FCSK: variants seen among roughly 807,000 people sequenced by gnomAD.
FCSK encodes L-fucose kinase.
FCSK carries 123 observed loss-of-function variants against 122.5 expected under a neutral mutation model. The ratio of observed to expected loss-of-function variants is 1.00; its 90% CI spans 0.87 to 1.17. The LOEUF (loss-of-function observed/expected upper bound fraction) is 1.17, where lower values mean the gene tolerates loss of function less well. Among genes scored for constraint, FCSK ranks in the 50% most tolerant of loss-of-function variants. The probability of loss-of-function intolerance (pLI) is 0.00; values close to 1 mark genes in which losing one functional copy is unlikely to be tolerated. For missense variants in FCSK, 1,366 were observed against 1,450.4 expected, an observed-to-expected ratio of 0.94 and a Z score of 0.95; for synonymous variants, 620 against 625.5, an observed-to-expected ratio of 0.99 and a Z score of 0.13.
chr16:70,471,950 C>T (rs552049084), intron 13 of FCSK, among the ~76,000 whole-genome samples: 23 of 152,032 alleles, frequency 1.5e-4, no homozygotes, highest in African/African-American at 4.8e-4. Flanking sequence ...GGAGTACAGG[C>T]GCCCACCACC....
rs574871498 is a variant in FCSK at position 70,472,286 on chromosome 16, A to G, written c.1342-255A>G. On this transcript the variant is annotated intron_variant, in intron 13 of 23. Coordinates refer to ENST00000288078, the MANE Select transcript of FCSK (RefSeq NM_145059.3). ...TGCAGGGCTGAAAACAATTTCAGAA[A>G]TTGCTCCATGGCTGGGTGTAGTGGC... Among the ~76,000 whole-genome samples, 75 of 152,176 alleles carry G rather than the reference A, an allele frequency of 4.9e-4. No individual in the cohort carries two copies. The Middle Eastern group carries it at 0.014, about 28-fold the overall frequency.
chr16:70,473,444 C>A lies in FCSK; in HGVS notation c.1777+91C>A, dbSNP rs2048698903. 2 of 1,361,818 alleles carry A rather than the reference C, an allele frequency of 1.5e-6. No homozygotes were observed. The highest frequency in any genetic ancestry group is 1.9e-6 in the Non-Finnish European group (2 of 1,036,588). 84.4% of individuals were successfully genotyped at this position (1,361,818 alleles called of 1,614,324 possible). ...GCCATCCCCTGAGGGGACTAGGGGA[C>A]CATGAGGTGCTCAAGCAGGGAAGGG... On this transcript the variant is annotated intron_variant, in intron 15 of 23. Transcript: ENST00000288078. The surrounding 1 kb of genome is among the most constrained non-coding windows in gnomAD (Gnocchi z 4.9).
At chr16:70,460,208 T>C (rs1440550220) in intron 1 of FCSK, among the ~76,000 whole-genome samples, 1 of 144,048 alleles carries the variant, frequency 6.9e-6, no homozygotes, top group Non-Finnish European at 1.5e-5. Flanking sequence ...GCCTCCCGGG[T>C]TCATGCCATT....
In FCSK at chr16:70,473,955, TGATCTCTG is replaced by T. The variant is rs138724197; in HGVS notation, c.1778-173_1778-166del. 0.034 allele frequency among the ~76,000 whole-genome samples: 5,186 copies of T among 152,206 alleles called. 299 individuals are homozygous for T. The highest frequency in any genetic ancestry group is 0.12 in the African/African-American group (4,890 of 41,496). On this transcript the variant is annotated intron_variant, in intron 15 of 23. Transcript: ENST00000288078. This position sits in a 1 kb window ranked among gnomAD's most constrained non-coding sequence, Gnocchi z 4.9. ...ATGGGCTGGGACTGGCAAGACGAGA[TGATCTCTG>T]CCAGGCAGAGAGCAGGAGTGCAGTT...
intron 1 of FCSK, among the ~76,000 whole-genome samples, chr16:70,455,138 C>CT (rs1477296006): frequency 6.6e-6 from 1 of 152,170 alleles, no homozygotes; most frequent in Non-Finnish European, 1.5e-5. Flanking sequence ...CTCCGTGAGC[C>CT]TTTTTTTCCT....
intron 14 of FCSK, 81 bp from the exon 15 acceptor site, chr16:70,472,902 A>T: frequency 6.8e-7 from 1 of 1,475,570 alleles, no homozygotes; most frequent in Non-Finnish European, 9.1e-7. Flanking sequence ...TGTCCCCATG[A>T]ACTGACAGGC....
At chr16:70,455,682 A>G (rs914765445) in intron 1 of FCSK, among the ~76,000 whole-genome samples, 12 of 151,988 alleles carry the variant, frequency 7.9e-5, no homozygotes, top group Non-Finnish European at 4.4e-5. Flanking sequence ...ACCTATGGTC[A>G]GGAGTTTGAG....
chr16:70,475,633 C>T lies in FCSK; in HGVS notation c.2522-15C>T. On this transcript the variant is annotated splice_polypyrimidine_tract_variant and intron_variant, in intron 19 of 23. Transcript: ENST00000288078. The stretch of plus-strand genomic sequence containing the variant: ...GGAGGTGTTTCATGTCTGCTCTCTC[C>T]TCTCCGCCCTGCAGGCACCAGCAGC... 6.3e-7 allele frequency: 1 copy of T among 1,577,734 alleles called. No homozygotes were observed. Among genetic ancestry groups the T allele is most frequent in the Non-Finnish European group, 8.6e-7 (1 of 1,157,410 alleles).
chr16:70,473,944 G>A lies in FCSK; in HGVS notation c.1778-185G>A, dbSNP rs181469912. On this transcript the variant is annotated intron_variant, in intron 15 of 23. Transcript: ENST00000288078. The surrounding 1 kb of genome is among the most constrained non-coding windows in gnomAD (Gnocchi z 4.9). ...AAGAGACACCTATGGGCTGGGACTG[G>A]CAAGACGAGATGATCTCTGCCAGGC... 2.8e-4 allele frequency among the ~76,000 whole-genome samples: 42 copies of A among 151,540 alleles called. No individual in the cohort carries two copies. Among genetic ancestry groups the A allele is most frequent in the African/African-American group, 8.1e-4 (33 of 40,824 alleles).
intron 1 of FCSK, among the ~76,000 whole-genome samples, chr16:70,458,965 TA>T (rs971044673): frequency 1.1e-4 from 16 of 150,298 alleles, no homozygotes; most frequent in Admixed American, 7.3e-4. Flanking sequence ...AATAAATTAA[TA>T]AAAAAAAAGG....
In FCSK at chr16:70,465,123, C is replaced by A; in HGVS notation, c.235-3C>A. On this transcript the variant is annotated splice_polypyrimidine_tract_variant and splice_region_variant and intron_variant, in intron 3 of 23. Transcript: ENST00000288078. ...TGTTCACAGGGCTTTCCCACTCCTG[C>A]AGGTGGTCACATCCGATGTCCTGCA... 1.2e-6 allele frequency: 2 copies of A among 1,613,822 alleles called. No individual in the cohort carries two copies.
intron 6 of FCSK, 180 bp downstream of exon 6, chr16:70,467,134 G>C: frequency 5.9e-6 from 4 of 683,082 alleles, no homozygotes; most frequent in Admixed American, 2.2e-5. Flanking sequence ...GCCTCAGTCT[G>C]TCTGTCTATA....
At chr16:70,458,142 A>AT (rs904218637) in intron 1 of FCSK, among the ~76,000 whole-genome samples, 1 of 148,236 alleles carries the variant, frequency 6.7e-6, no homozygotes. Flanking sequence ...GCTATTATTA[A>AT]TTTTTTTTCT....
intron 11 of FCSK, 111 bp from the exon 12 acceptor site, chr16:70,470,860 C>A: frequency 1.1e-6 from 1 of 899,896 alleles, no homozygotes; most frequent in Non-Finnish European, 1.7e-6. Context: ...TGCTGCAGGG[C>A]AGGGGAGCAG....
intron 20 of FCSK, chr16:70,477,672 CT>C (rs999941223): frequency 7.2e-5 from 11 of 152,538 alleles, no homozygotes; most frequent in African/African-American, 2.7e-4. Flanking sequence ...AGCCTCTCCT[CT>C]GACTAAAACT....
chr16:70,458,927 A>C (rs2048176473), intron 1 of FCSK, among the ~76,000 whole-genome samples: 2 of 152,090 alleles, frequency 1.3e-5, no homozygotes, highest in South Asian at 4.2e-4. Context: ...GGGAGCATGA[A>C]TTTAAAAATT....
rs372902537 is a variant in FCSK, at chr16:70,475,929, G to A, written c.2641+162G>A. On this transcript the variant is annotated intron_variant, in intron 20 of 23. Transcript: ENST00000288078. ...CTAGTCACTTTGACCTTCTCTGGTC[G>A]TTTTCAACCTGAAATGTTCTACCTC... The A allele has an allele frequency of 2.4e-4, 172 of 703,904 alleles. No homozygotes were observed. The African/African-American group carries it at 2.8e-3, about 11-fold the overall frequency. 43.6% of individuals were successfully genotyped at this position (703,904 alleles called of 1,614,324 possible). A position where few individuals can be genotyped will look rare whatever the true frequency, so the allele number is the denominator to read the frequency against.
Position 70,470,227 on chromosome 16 carries a change from C to G in FCSK, c.956-87C>G, listed in dbSNP as rs935001223. 15 of 842,318 alleles carry G rather than the reference C, an allele frequency of 1.8e-5. No homozygotes were observed. In the African/African-American group the frequency reaches 2.5e-4, roughly 14 times the overall value. The allele number at this position is 842,318 out of a possible 1,614,324, so 52.2% of individuals were successfully genotyped here. A position where few individuals can be genotyped will look rare whatever the true frequency, so the allele number is the denominator to read the frequency against. ...CCTAACAGGCTCATGGCCACACCTG[C>G]CCCCATGTGTCTCTGCTGCTGGGAG... is the stretch of plus-strand genomic sequence containing the variant. On this transcript the variant is annotated intron_variant, in intron 10 of 23. Transcript: ENST00000288078.
intron 5 of FCSK, chr16:70,466,529 CAA>C (rs1213918039): frequency 8.4e-6 from 4 of 476,974 alleles, no homozygotes; most frequent in African/African-American, 7.8e-5. Flanking sequence ...CCCATCTCTA[CAA>C]AAAAATTTTT....
Sources: allele counts gnomAD v4.1 joint callset (sites outside exome capture counted in the v4.1 genomes callset), GRCh38; gene constraint gnomAD v4.1.1; non-coding constraint Gnocchi (gnomAD v3.1); transcripts MANE v1.5; gene names NCBI Gene and HGNC (gene_info 2026-07-23, HGNC 2026-07-21).